GATA5: variants seen among roughly 807,000 people sequenced by gnomAD.
GATA5 encodes the protein GATA binding protein 5, also known as transcription factor GATA-5.
In GATA5, 27 loss-of-function variants were observed where a neutral mutation model predicts 35.0. The ratio of observed to expected loss-of-function variants is 0.77; its 90% CI spans 0.57 to 1.06. The LOEUF (loss-of-function observed/expected upper bound fraction) is 1.06. Among genes scored for constraint, GATA5 ranks in the 50% least tolerant of loss-of-function variants. GATA5 has a pLI of 0.00. For missense variants in GATA5, 612 were observed against 580.0 expected (o/e 1.06, Z -0.57); for synonymous variants, 306 against 267.8 (o/e 1.14, Z -1.39).
chr20:62,473,306 C>G lies in GATA5; in HGVS notation c.699+97G>C. ...GCTGTTTTTGGGACACTCCCTACCC[C>G]CTACCCCAGGGGCTCTGGTGTCACC... is the stretch of plus-strand genomic sequence containing the variant. On this transcript the variant is annotated intron_variant, in intron 3 of 6. Coordinates refer to ENST00000252997, the MANE Select transcript of GATA5 (RefSeq NM_080473.5). 4 of 1,389,582 alleles carry G rather than the reference C, an allele frequency of 2.9e-6. No individual in the cohort carries two copies. In the Admixed American group the frequency reaches 8.2e-5, roughly 29 times the overall value. The allele number at this position is 1,389,582 out of a possible 1,614,324, so 86.1% of individuals were successfully genotyped here.
Position 62,474,959 on chromosome 20 carries a change from C to T in GATA5, c.523+40G>A, listed in dbSNP as rs782791728. 3.9e-6 allele frequency: 5 copies of T among 1,268,314 alleles called. No individual in the cohort carries two copies. In the African/African-American group the frequency reaches 4.6e-5, roughly 12 times the overall value. 78.6% of individuals were successfully genotyped at this position (1,268,314 alleles called of 1,614,324 possible). On this transcript the variant is annotated intron_variant, in intron 2 of 6. Coordinates refer to ENST00000252997, the MANE Select transcript of GATA5 (RefSeq NM_080473.5). The stretch of plus-strand genomic sequence containing the variant: ...GGTGCGGGTTTGCACCCGGATTCGG[C>T]CGCTCCTGGGCCCCGAGACTGTGGA...
intron 5 of GATA5, 29 bp from the exon 6 acceptor site, chr20:62,465,493 G>A: frequency 2.5e-6 from 4 of 1,591,898 alleles, no homozygotes; most frequent in Non-Finnish European, 3.4e-6. Context: ...TGTTTACAGA[G>A]GGGTCAGGTG....
Position 62,465,039 on chromosome 20 carries a change from G to C in GATA5, c.1039-48C>G, listed in dbSNP as rs111818305. ...GAATGTGGGGTGGGGCGTGGGGCGT[G>C]GGGGGCTGGGGGAAGCTGCAGCCTC... On this transcript the variant is annotated intron_variant, in intron 6 of 6. Coordinates refer to ENST00000252997, the MANE Select transcript of GATA5 (RefSeq NM_080473.5). 1.6e-3 allele frequency: 1,801 copies of C among 1,122,264 alleles called. 27 individuals are homozygous for C. The African/African-American group carries it at 0.024, about 15-fold the overall frequency. 69.5% of individuals were successfully genotyped at this position (1,122,264 alleles called of 1,614,324 possible).
rs868917967 is a variant in GATA5 at position 62,466,331 on chromosome 20, C to T, written c.825+95G>A. On this transcript the variant is annotated intron_variant, in intron 4 of 6. Transcript: ENST00000252997. ...CCCAGGGGACAATAGCCATCCTGCC[C>T]GCTCCTCCCCAGCCTCTTGGTCTGA... The T allele has an allele frequency of 3.5e-5, 48 of 1,378,910 alleles. No individual in the cohort carries two copies. In the East Asian group the frequency reaches 3.8e-4, roughly 11 times the overall value. 85.4% of individuals were successfully genotyped at this position (1,378,910 alleles called of 1,614,324 possible). A position where few individuals can be genotyped will look rare whatever the true frequency, so the allele number is the denominator to read the frequency against.
Position 62,473,490 on chromosome 20 carries a change from G to A in GATA5, c.612C>T (p.Gly204=). ...ALSTPLWRRD[G]TGHYLCNACG... ...AGGCATTGCACAGGTAGTGGCCGGT[G>A]CCGTCTCGGCGCCACAGCGGTGTGG... The change falls in exon 3 of 7, where the codon GGC becomes GGT. Residue 204 remains glycine (G), a synonymous_variant. Transcript: ENST00000252997. 6.2e-7 allele frequency: 1 copy of A among 1,610,720 alleles called. No homozygotes were observed. Among genetic ancestry groups the A allele is most frequent in the Non-Finnish European group, 8.5e-7 (1 of 1,179,020 alleles).
At position 62,464,993 on chromosome 20, in the gene GATA5, T is replaced by G. The variant is rs782473504; in HGVS notation, c.1039-2A>C. 4 of 1,337,844 alleles carry G rather than the reference T, an allele frequency of 3.0e-6. No homozygotes were observed. The highest frequency in any genetic ancestry group is 3.9e-6 in the Non-Finnish European group (4 of 1,017,742). 82.9% of individuals were successfully genotyped at this position (1,337,844 alleles called of 1,614,324 possible). Reference sequence around the variant, plus strand: ...AGAGTCATCCTCCTGGCCAGAGGCCTGCAGGGACAGGAGAGCGTGAGAATG... The same window carrying G: ...AGAGTCATCCTCCTGGCCAGAGGCCGGCAGGGACAGGAGAGCGTGAGAATG... On this transcript the variant is annotated splice_acceptor_variant, in intron 6 of 6. Transcript: ENST00000252997. LOFTEE classifies it high-confidence loss of function.
At chr20:62,471,432 A>ATATTTTTTTTTTTTT (rs1555896518) in intron 3 of GATA5, among the ~76,000 whole-genome samples, 1 of 81,740 alleles carries the variant, frequency 1.2e-5, no homozygotes, top group African/African-American at 4.9e-5. Context: ...TTCAATTACA[A>ATATTTTTTTTTTTTT]TTTTTTTTTT....
chr20:62,465,903 T>C lies in GATA5; in HGVS notation c.844A>G (p.Met282Val). Reference protein sequence around the residue: ...KLHGVPRPLAMKKESIQTRKR... With the variant: ...KLHGVPRPLAVKKESIQTRKR... ...CGTGTCTGGATGCTTTCCTTCTTCA[T>C]AGCCAGAGGCCGCGGCACCTGGCAG... The change falls in exon 5 of 7, where the codon ATG becomes GTG. Residue 282 changes from methionine (M) to valine (V), a missense_variant. By Grantham distance (21) the Met-to-Val change is conservative. Coordinates refer to ENST00000252997, the MANE Select transcript of GATA5 (RefSeq NM_080473.5). 5 of 1,594,652 alleles carry C rather than the reference T, an allele frequency of 3.1e-6. No individual in the cohort carries two copies. The highest frequency in any genetic ancestry group is 4.3e-6 in the Non-Finnish European group (5 of 1,170,640).
Position 62,464,615 on chromosome 20 carries a change from G to A in GATA5, c.*221C>T, listed in dbSNP as rs1555895810. ...CTGGGGAGTCCCTTGCTGTACGTGGGGTGGGAAGCTGAGCCCTTCCCTCAC... is the reference window on the plus strand; with the variant it reads ...CTGGGGAGTCCCTTGCTGTACGTGGAGTGGGAAGCTGAGCCCTTCCCTCAC... On this transcript the variant is annotated 3_prime_UTR_variant, in exon 7 of 7. Transcript: ENST00000252997. 4.5e-6 allele frequency: 2 copies of A among 446,768 alleles called. No individual in the cohort carries two copies. 27.7% of individuals were successfully genotyped at this position (446,768 alleles called of 1,614,324 possible).
At chr20:62,466,200 G>A (rs1265479216) in intron 4 of GATA5, among the ~76,000 whole-genome samples, 1 of 152,258 alleles carries the variant, frequency 6.6e-6, no homozygotes, top group East Asian at 1.9e-4. Context: ...CCGAATGGCT[G>A]TGGTGAGCCT....
At chr20:62,473,377 C>G in intron 3 of GATA5, 26 bp downstream of exon 3, 2 of 1,586,264 alleles carry the variant, frequency 1.3e-6, no homozygotes, top group Non-Finnish European at 1.7e-6. Context: ...TGCGCCCAGG[C>G]GCCCCTCTGC....
chr20:62,473,812 G>A (rs1989783220), intron 2 of GATA5, among the ~76,000 whole-genome samples: 2 of 152,118 alleles, frequency 1.3e-5, no homozygotes, highest in East Asian at 1.9e-4. Context: ...TTGGTTTTTC[G>A]AGGATGGGGT....
intron 6 of GATA5, among the ~76,000 whole-genome samples, 164 bp from the exon 7 acceptor site, chr20:62,465,155 G>A (rs1989549341): frequency 6.6e-6 from 1 of 152,200 alleles, no homozygotes; most frequent in Non-Finnish European, 1.5e-5. Flanking sequence ...AGGCACTGGG[G>A]TTTCTCCCAC....
At position 62,470,314 on chromosome 20, in the gene GATA5, C is replaced by T. The variant is rs143143100; in HGVS notation, c.699+3089G>A. Among the ~76,000 whole-genome samples the T allele has an allele frequency of 5.3e-3, 812 of 152,316 alleles. 4 individuals carry two copies. The highest frequency in any genetic ancestry group is 0.018 in the African/African-American group (766 of 41,578). The stretch of plus-strand genomic sequence containing the variant: ...AGTAAAGGTGCAGGTCACAGTGACC[C>T]GCAGTGCAGCAGCCTCCTCTGAGAT... On this transcript the variant is annotated intron_variant, in intron 3 of 6. Transcript: ENST00000252997. This position sits in a 1 kb window ranked among gnomAD's most constrained non-coding sequence, Gnocchi z 4.6.
intron 3 of GATA5, 130 bp from the exon 4 acceptor site, chr20:62,466,681 G>A: frequency 2.0e-6 from 2 of 1,014,880 alleles, no homozygotes; most frequent in Non-Finnish European, 2.8e-6. Context: ...GCTCTGCAAT[G>A]GCCTCGCCTG....
Position 62,475,450 on chromosome 20 carries a change from G to A in GATA5, c.72C>T (p.His24=). Residue 24 remains histidine, a synonymous_variant, in exon 2 of 7, where the codon CAC becomes CAT. Transcript: ENST00000252997. ...ACATCGGAGAGCCGGCGCCCGGAGC[G>A]TGCAGGAAGGAGCCCGAGTCGGCGT... ...AAYADSGSFL[H]APGAGSPMFV... 2 of 1,345,146 alleles carry A rather than the reference G, an allele frequency of 1.5e-6. No individual in the cohort carries two copies. The highest frequency in any genetic ancestry group is 2.1e-5 in the South Asian group (1 of 48,502). 83.3% of individuals were successfully genotyped at this position (1,345,146 alleles called of 1,614,324 possible).
intron 4 of GATA5, 69 bp from the exon 5 acceptor site, chr20:62,465,990 C>T: frequency 1.8e-6 from 2 of 1,111,710 alleles, no homozygotes; most frequent in Non-Finnish European, 2.6e-6. Context: ...CACAGCACCC[C>T]CTCATTCCAG....
Position 62,465,484 on chromosome 20 carries a change from G to C in GATA5, c.914-20C>G. 6.2e-7 allele frequency: 1 copy of C among 1,600,334 alleles called. No individual in the cohort carries two copies. Among genetic ancestry groups the C allele is most frequent in the Non-Finnish European group, 8.5e-7 (1 of 1,177,070 alleles). On this transcript the variant is annotated intron_variant, in intron 5 of 6. Transcript: ENST00000252997. ...TGGATCCTGGAAGCGAAGAGGGGGT[G>C]TTTACAGAGGGGTCAGGTGTGGCCT...
chr20:62,474,316 G>C (rs1229042612), intron 2 of GATA5, among the ~76,000 whole-genome samples: 1 of 152,212 alleles, frequency 6.6e-6, no homozygotes, highest in Non-Finnish European at 1.5e-5. Context: ...CGCCCCGCCG[G>C]GGGTGGGCGC....
Sources: allele counts gnomAD v4.1 joint callset (sites outside exome capture counted in the v4.1 genomes callset), GRCh38; gene constraint gnomAD v4.1.1; non-coding constraint Gnocchi (gnomAD v3.1); transcripts MANE v1.5; gene names NCBI Gene and HGNC (gene_info 2026-07-23, HGNC 2026-07-21).